The following AGAP1 variants were observed in gnomAD, a reference collection of about 807,000 sequenced individuals.
AGAP1 encodes the protein ArfGAP with GTPase domain, ankyrin repeat and PH domain 1, also known as arf-GAP with GTPase, ANK repeat and PH domain-containing protein 1.
Under a neutral mutation model 105.3 loss-of-function variants are expected in AGAP1, and 29 were observed. That is an observed-to-expected ratio of 0.28 (90% CI 0.21 to 0.38). The LOEUF (loss-of-function observed/expected upper bound fraction) is 0.38. Among genes scored for constraint, AGAP1 ranks in the 10% least tolerant of loss-of-function variants. AGAP1 has a pLI of 1.00. For missense variants in AGAP1, 998 were observed against 1,165.1 expected, an observed-to-expected ratio of 0.86 and a Z score of 2.09; for synonymous variants, 509 against 485.9, an observed-to-expected ratio of 1.05 and a Z score of -0.63.
In AGAP1 at chr2:235,905,009, A is replaced by G. The variant is rs895230342; in HGVS notation, c.1156-3729A>G. 2.6e-5 allele frequency among the ~76,000 whole-genome samples: 4 copies of G among 152,096 alleles called. No homozygotes were observed. Among genetic ancestry groups the G allele is most frequent in the Non-Finnish European group, 5.9e-5 (4 of 68,030 alleles). ...TTAGAGCTAGTTCTTCTGAGGTTGT[A>G]ACGCCTAACTCAGGCAAGAAAACAG... On this transcript the variant is annotated intron_variant, in intron 10 of 17. Coordinates refer to ENST00000304032, the MANE Select transcript of AGAP1 (RefSeq NM_001037131.3). This position sits in a 1 kb window ranked among gnomAD's most constrained non-coding sequence, Gnocchi z 4.2.
intron 1 of AGAP1, among the ~76,000 whole-genome samples, chr2:235,657,072 A>G (rs932577537): frequency 6.6e-6 from 1 of 152,164 alleles, no homozygotes; most frequent in Non-Finnish European, 1.5e-5. Flanking sequence ...TAACTTTCCT[A>G]CTTTCCCCAG....
rs554723946 is a variant in AGAP1 at position 236,080,770 on chromosome 2, C to G, written c.2114+31489C>G. Among the ~76,000 whole-genome samples, 473 of 152,176 alleles carry G rather than the reference C, an allele frequency of 3.1e-3. 5 individuals are homozygous for G. The highest frequency in any genetic ancestry group is 3.1e-3 in the Non-Finnish European group (212 of 68,000). On this transcript the variant is annotated intron_variant, in intron 16 of 17. Coordinates refer to ENST00000304032, the MANE Select transcript of AGAP1 (RefSeq NM_001037131.3). This position sits in a 1 kb window ranked among gnomAD's most constrained non-coding sequence, Gnocchi z 4.2. Reference sequence around the variant, plus strand: ...GAGAGAGTCCATGCCCCTGTCTGTTCCAGCTTCTAGAAGCTGCTACTCATC... The same window carrying G: ...GAGAGAGTCCATGCCCCTGTCTGTTGCAGCTTCTAGAAGCTGCTACTCATC...
Position 236,083,511 on chromosome 2 carries a change from T to A in AGAP1, c.2114+34230T>A, listed in dbSNP as rs565755219. Reference sequence around the variant, plus strand: ...TATTATTTTGAAGAGCCTGTTTATTTTCCAGCAGTTACCAGCTTAACTAAG... The same window carrying A: ...TATTATTTTGAAGAGCCTGTTTATTATCCAGCAGTTACCAGCTTAACTAAG... On this transcript the variant is annotated intron_variant, in intron 16 of 17. Transcript: ENST00000304032. This position sits in a 1 kb window ranked among gnomAD's most constrained non-coding sequence, Gnocchi z 5.3. Among the ~76,000 whole-genome samples, 1 of 152,322 alleles carries A rather than the reference T, an allele frequency of 6.6e-6. No individual in the cohort carries two copies. Among genetic ancestry groups the A allele is most frequent in the African/African-American group, 2.4e-5 (1 of 41,566 alleles).
chr2:235,713,072 G>A (rs955422069), intron 2 of AGAP1, among the ~76,000 whole-genome samples: 1 of 152,202 alleles, frequency 6.6e-6, no homozygotes, highest in African/African-American at 2.4e-5. Context: ...TTAGGGGAGA[G>A]CTTAATCTTT....
At chr2:235,698,203 T>G (rs981927067) in intron 1 of AGAP1, among the ~76,000 whole-genome samples, 3 of 152,096 alleles carry the variant, frequency 2.0e-5, no homozygotes, top group Non-Finnish European at 4.4e-5. Context: ...GCCGCTGATA[T>G]GACAGGAGGC....
intron 16 of AGAP1, among the ~76,000 whole-genome samples, chr2:236,115,583 G>A (rs1382325830): frequency 3.9e-5 from 6 of 152,136 alleles, no homozygotes; most frequent in African/African-American, 1.2e-4. Flanking sequence ...ACAGCAGGTG[G>A]CTGACATGCA....
intron 16 of AGAP1, among the ~76,000 whole-genome samples, chr2:236,093,412 T>C (rs2059114581): frequency 6.6e-6 from 1 of 152,220 alleles, no homozygotes; most frequent in African/African-American, 2.4e-5. Flanking sequence ...CAACTCACAG[T>C]CTGTGCCTCC....
At position 236,121,396 on chromosome 2, in the gene AGAP1, G is replaced by A. The variant is rs1420660502; in HGVS notation, c.2370+949G>A. ...GCTCACTGCAACCTCCGCCTCCCAG[G>A]TTCAAGCAATTCTCCTGCCTCAGCC... On this transcript the variant is annotated intron_variant, in intron 17 of 17. Coordinates refer to ENST00000304032, the MANE Select transcript of AGAP1 (RefSeq NM_001037131.3). The surrounding 1 kb of genome is among the most constrained non-coding windows in gnomAD (Gnocchi z 4.9). Among the ~76,000 whole-genome samples, 2 of 152,176 alleles carry A rather than the reference G, an allele frequency of 1.3e-5. No homozygotes were observed. Among genetic ancestry groups the A allele is most frequent in the Non-Finnish European group, 2.9e-5 (2 of 68,020 alleles).
At position 236,101,946 on chromosome 2, in the gene AGAP1, TCA is replaced by T. The variant is rs1384510100; in HGVS notation, c.2115-18239_2115-18238del. Among the ~76,000 whole-genome samples the T allele has an allele frequency of 7.9e-5, 12 of 152,328 alleles. No homozygotes were observed. The highest frequency in any genetic ancestry group is 2.6e-4 in the African/African-American group (11 of 41,590). ...TAGCTATGTTTCTGTGCAAACATAC[TCA>T]CACACAGTTTCCAAATGAAGTCACA... On this transcript the variant is annotated intron_variant, in intron 16 of 17. Coordinates refer to ENST00000304032, the MANE Select transcript of AGAP1 (RefSeq NM_001037131.3). This position sits in a 1 kb window ranked among gnomAD's most constrained non-coding sequence, Gnocchi z 4.9.
chr2:236,065,625 A>G (rs546433909), intron 16 of AGAP1, among the ~76,000 whole-genome samples: 82 of 152,352 alleles, frequency 5.4e-4, no homozygotes, highest in Non-Finnish European at 9.1e-4. Flanking sequence ...TTAAATGTGC[A>G]TATTTACAAC....
rs2059909479 is a variant in AGAP1 at position 236,121,910 on chromosome 2, G to A, written c.2370+1463G>A. On this transcript the variant is annotated intron_variant, in intron 17 of 17. Transcript: ENST00000304032. This position sits in a 1 kb window ranked among gnomAD's most constrained non-coding sequence, Gnocchi z 4.9. The stretch of plus-strand genomic sequence containing the variant: ...CCGCCCTCTCCCTATGTTCTCACAG[G>A]GCCTTTCCTCTGCACTCGCTCCTGG... Among the ~76,000 whole-genome samples the A allele has an allele frequency of 6.6e-6, 1 of 152,040 alleles. No homozygotes were observed. The highest frequency in any genetic ancestry group is 2.4e-5 in the African/African-American group (1 of 41,376).
intron 1 of AGAP1, among the ~76,000 whole-genome samples, chr2:235,653,069 T>G (rs1252738245): frequency 6.6e-6 from 1 of 152,344 alleles, no homozygotes; most frequent in African/African-American, 2.4e-5. Context: ...TAGGCTTTGC[T>G]GTCTGGCCTT....
At chr2:235,823,188 CAT>C (rs932129785) in intron 9 of AGAP1, among the ~76,000 whole-genome samples, 2 of 151,602 alleles carry the variant, frequency 1.3e-5, no homozygotes, top group Middle Eastern at 3.4e-3. Flanking sequence ...AACATATTAA[CAT>C]GTTATTATGA....
intron 9 of AGAP1, among the ~76,000 whole-genome samples, chr2:235,868,054 C>CTT (rs2049266267): frequency 6.6e-6 from 1 of 152,178 alleles, no homozygotes; most frequent in South Asian, 2.1e-4. Flanking sequence ...AAGGTGCCAG[C>CTT]TTTTCTTTGA....
chr2:235,938,648 A>T (rs1003723976), intron 12 of AGAP1, among the ~76,000 whole-genome samples: 3 of 152,330 alleles, frequency 2.0e-5, no homozygotes, highest in Admixed American at 2.0e-4. Flanking sequence ...AAACGCTGTC[A>T]AGACTTACAT....
In AGAP1 at chr2:236,002,491, C is replaced by T. The variant is rs147213411; in HGVS notation, c.1645+33868C>T. Among the ~76,000 whole-genome samples, 1,146 of 152,316 alleles carry T rather than the reference C, an allele frequency of 7.5e-3. 20 individuals are homozygous for T. The highest frequency in any genetic ancestry group is 0.031 in the Middle Eastern group (9 of 294). On this transcript the variant is annotated intron_variant, in intron 13 of 17. Transcript: ENST00000304032. The surrounding 1 kb of genome is among the most constrained non-coding windows in gnomAD (Gnocchi z 4.3). ...AATCCTGATTTTCTGACAAAAGAGACATGAAACAAATATGTTAACAAGTAA... is the reference window on the plus strand; with the variant it reads ...AATCCTGATTTTCTGACAAAAGAGATATGAAACAAATATGTTAACAAGTAA...
At chr2:235,907,507 T>G (rs2125034444) in intron 10 of AGAP1, among the ~76,000 whole-genome samples, 1 of 152,210 alleles carries the variant, frequency 6.6e-6, no homozygotes, top group African/African-American at 2.4e-5. Flanking sequence ...AAAGACAAAT[T>G]TATTGGTTTT....
At chr2:236,108,504 A>G (rs1457829259) in intron 16 of AGAP1, among the ~76,000 whole-genome samples, 1 of 152,120 alleles carries the variant, frequency 6.6e-6, no homozygotes, top group African/African-American at 2.4e-5. Flanking sequence ...AATCACTGCC[A>G]AACTCCTCTC....
At chr2:235,547,000 G>A (rs2149106966) in intron 1 of AGAP1, among the ~76,000 whole-genome samples, 1 of 152,352 alleles carries the variant, frequency 6.6e-6, no homozygotes, top group Non-Finnish European at 1.5e-5. Context: ...CTGTGCAGAG[G>A]TGAACCACTT....
Sources: gnomAD v4.1 joint callset for allele counts (sites outside exome capture counted in the v4.1 genomes callset) on GRCh38, gnomAD v4.1.1 for gene constraint, Gnocchi (gnomAD v3.1) non-coding constraint, MANE v1.5 for transcripts, NCBI Gene and HGNC (gene_info 2026-07-23, HGNC 2026-07-21) for gene names.